PRKCH: variants seen among roughly 807,000 people sequenced by gnomAD.
The protein encoded by PRKCH is protein kinase C eta type.
In PRKCH, 28 loss-of-function variants were observed where a neutral mutation model predicts 82.5. That is an observed-to-expected ratio of 0.34 (90% CI 0.25 to 0.47). The LOEUF is 0.47. Ranked by LOEUF, PRKCH falls within the 20% of genes least tolerant of loss-of-function variation. The probability of loss-of-function intolerance (pLI) is 1.00; values close to 1 mark genes in which losing one functional copy is unlikely to be tolerated. For missense variants in PRKCH, 705 were observed against 881.8 expected, an observed-to-expected ratio of 0.80 and a Z score of 2.54; for synonymous variants, 322 against 327.4, an observed-to-expected ratio of 0.98 and a Z score of 0.18.
At chr14:61,458,576 T>C (rs1884885085) in intron 9 of PRKCH, among the ~76,000 whole-genome samples, 1 of 152,208 alleles carries the variant, frequency 6.6e-6, no homozygotes, top group Non-Finnish European at 1.5e-5. Context: ...AACTGCCCTG[T>C]ATGTCTGTTC....
At chr14:61,417,447 C>G (rs771095730) in intron 2 of PRKCH, among the ~76,000 whole-genome samples, 2 of 152,218 alleles carry the variant, frequency 1.3e-5, no homozygotes, top group Non-Finnish European at 2.9e-5. Context: ...GTTTCTAACC[C>G]TTTTGATTAA....
intron 2 of PRKCH, among the ~76,000 whole-genome samples, chr14:61,418,417 G>C (rs140997055): frequency 6.6e-6 from 1 of 152,182 alleles, no homozygotes; most frequent in Non-Finnish European, 1.5e-5. Flanking sequence ...ATGCACAGAG[G>C]ATCTTTGGAA....
chr14:61,507,927 C>CA (rs1269001272), intron 10 of PRKCH, among the ~76,000 whole-genome samples: 2 of 151,954 alleles, frequency 1.3e-5, no homozygotes, highest in South Asian at 4.1e-4. Flanking sequence ...ATCTTAAGTG[C>CA]TCTTATCACC....
chr14:61,384,842 C>G (rs1366413353), intron 1 of PRKCH, among the ~76,000 whole-genome samples: 3 of 151,976 alleles, frequency 2.0e-5, no homozygotes, highest in South Asian at 4.2e-4. Flanking sequence ...CATAGAGAAC[C>G]CTAAAGGCTG....
intron 2 of PRKCH, among the ~76,000 whole-genome samples, chr14:61,407,064 G>A (rs571638294): frequency 7.2e-5 from 11 of 152,104 alleles, no homozygotes; most frequent in Non-Finnish European, 1.6e-4. Flanking sequence ...ACTCAGAAAG[G>A]GAGAACAACA....
At chr14:61,496,644 C>T (rs529571138) in intron 10 of PRKCH, among the ~76,000 whole-genome samples, 1 of 152,134 alleles carries the variant, frequency 6.6e-6, no homozygotes, top group Admixed American at 6.5e-5. Flanking sequence ...ATAGGCTGTG[C>T]CCCTGTGCAT....
intron 1 of PRKCH, among the ~76,000 whole-genome samples, chr14:61,231,303 G>A (rs1194537943): frequency 6.6e-6 from 1 of 151,834 alleles, no homozygotes; most frequent in Non-Finnish European, 1.5e-5. Context: ...AATACACAAA[G>A]TGCTTAGAAC....
chr14:61,408,028 G>A (rs1882053336), intron 2 of PRKCH, among the ~76,000 whole-genome samples: 1 of 152,326 alleles, frequency 6.6e-6, no homozygotes, highest in Non-Finnish European at 1.5e-5. Context: ...TTGCAATCCT[G>A]AATCTGAGCA....
chr14:61,396,286 A>G (rs4144421), intron 2 of PRKCH, among the ~76,000 whole-genome samples: 138,049 of 151,976 alleles, frequency 0.91, 64,181 homozygotes, highest in East Asian at 1. Flanking sequence ...GGTCTGTGAT[A>G]TACAAGGCTG....
At chr14:61,392,844 GT>G (rs3085970) in intron 2 of PRKCH, among the ~76,000 whole-genome samples, 22,844 of 135,890 alleles carry the variant, frequency 0.17, 2,407 homozygotes, top group East Asian at 0.38. Flanking sequence ...TTCTTTTTTT[GT>G]TTTTTTTTTT....
At chr14:61,373,567 A>G (rs2046391362) in intron 1 of PRKCH, among the ~76,000 whole-genome samples, 1 of 151,876 alleles carries the variant, frequency 6.6e-6, no homozygotes, top group African/African-American at 2.4e-5. Context: ...TTCTCAACCA[A>G]TTATGCCCTT....
chr14:61,264,341 C>T (rs2045077119), intron 1 of PRKCH, among the ~76,000 whole-genome samples: 1 of 152,172 alleles, frequency 6.6e-6, no homozygotes, highest in African/African-American at 2.4e-5. Context: ...AGTAGCATTG[C>T]CAGTCCTAAG....
intron 1 of PRKCH, among the ~76,000 whole-genome samples, chr14:61,350,687 A>C (rs1268478564): frequency 1.3e-5 from 2 of 152,190 alleles, no homozygotes; most frequent in African/African-American, 4.8e-5. Context: ...CGAGTGCTTT[A>C]CAACGCTTTA....
chr14:61,548,345 G>A (rs1056888159), intron 13 of PRKCH, among the ~76,000 whole-genome samples: 3 of 152,230 alleles, frequency 2.0e-5, no homozygotes, highest in African/African-American at 4.8e-5. Flanking sequence ...GAGAGCCTGG[G>A]TCTGTAATAG....
At chr14:61,445,882 G>A (rs1884196827) in intron 4 of PRKCH, among the ~76,000 whole-genome samples, 156 bp downstream of exon 4, 1 of 151,314 alleles carries the variant, frequency 6.6e-6, no homozygotes, top group African/African-American at 2.4e-5. Context: ...CTTTAGTTTG[G>A]TGAGATCTTG....
chr14:61,446,099 C>A lies in PRKCH; in HGVS notation c.613+373C>A, dbSNP rs538878021. On this transcript the variant is annotated intron_variant, in intron 4 of 13. Transcript: ENST00000332981. ...ATAGATAGGGATGAAAAGTAGCACA[C>A]TGCTGTTTTCTCTTTTTCCCCGTCC... 9.3e-5 allele frequency among the ~76,000 whole-genome samples: 14 copies of A among 151,114 alleles called. No individual in the cohort carries two copies. In the East Asian group the frequency reaches 2.5e-3, roughly 27 times the overall value.
Position 61,280,796 on chromosome 14 carries a change from A to T in PRKCH, c.-19+93128A>T. On this transcript the variant is annotated intron_variant, in intron 1 of 3. Coordinates refer to the PRKCH transcript ENST00000555185. The surrounding 1 kb of genome is among the most constrained non-coding windows in gnomAD (Gnocchi z 5.0). ...ACGCCGTAGCGCCGGTTGTTCTGGTAGAAGTTGGTCAGCTCGTAGTAGAGG... is the reference window on the plus strand; with the variant it reads ...ACGCCGTAGCGCCGGTTGTTCTGGTTGAAGTTGGTCAGCTCGTAGTAGAGG... 6.4e-7 allele frequency: 1 copy of T among 1,559,846 alleles called. No individual in the cohort carries two copies. Among genetic ancestry groups the T allele is most frequent in the South Asian group, 1.2e-5 (1 of 83,482 alleles).
chr14:61,315,388 G>A (rs1049049479), intron 1 of PRKCH, among the ~76,000 whole-genome samples: 4 of 152,030 alleles, frequency 2.6e-5, no homozygotes, highest in Non-Finnish European at 4.4e-5. Flanking sequence ...TTCACTTAAC[G>A]CTTCAACTCT....
chr14:61,304,482 A>C (rs2140106193), intron 1 of PRKCH: 1 of 152,246 alleles, frequency 6.6e-6, no homozygotes, highest in African/African-American at 2.4e-5. Flanking sequence ...GAATCCTCCC[A>C]GCATTTGTTT....
Sources: gnomAD v4.1 joint callset for allele counts (sites outside exome capture counted in the v4.1 genomes callset) on GRCh38, gnomAD v4.1.1 for gene constraint, Gnocchi (gnomAD v3.1) non-coding constraint, MANE v1.5 for transcripts, NCBI Gene and HGNC (gene_info 2026-07-23, HGNC 2026-07-21) for gene names.